Variants in ZNF280D observed in about 807,000 individuals in gnomAD.
ZNF280D encodes the protein suppressor of hairy wing homolog 4.
A neutral mutation model predicts 94.7 loss-of-function variants in ZNF280D; 39 were observed. The observed-to-expected ratio is 0.41, with a 90% CI of 0.32 to 0.54. The LOEUF (loss-of-function observed/expected upper bound fraction) is 0.54, where lower values mean the gene tolerates loss of function less well. Among genes scored for constraint, ZNF280D ranks in the 20% least tolerant of loss-of-function variants. The probability of loss-of-function intolerance (pLI) is 0.22; values close to 1 mark genes in which losing one functional copy is unlikely to be tolerated. For synonymous variants in ZNF280D, 398 were observed against 377.6 expected (o/e 1.05, Z -0.63); for missense variants, 1,090 against 1,149.3 (o/e 0.95, Z 0.75).
chr15:56,643,046 TA>T lies in ZNF280D; in HGVS notation c.2214-50del, dbSNP rs1250183124. 7.3e-6 allele frequency: 9 copies of T among 1,240,828 alleles called. No individual in the cohort carries two copies. The African/African-American group carries it at 1.4e-4, about 19-fold the overall frequency. 76.9% of individuals were successfully genotyped at this position (1,240,828 alleles called of 1,614,324 possible). On this transcript the variant is annotated intron_variant, in intron 19 of 21. Transcript: ENST00000267807. ...ATATTTTATTTTATATGTACGATGG[TA>T]AAATATGAAACAGTTCTTTCTCTGC...
At position 56,709,881 on chromosome 15, in the gene ZNF280D, A is replaced by T. The variant is rs1228314863; in HGVS notation, c.-85-2575T>A. Among the ~76,000 whole-genome samples, 3 of 152,110 alleles carry T rather than the reference A, an allele frequency of 2.0e-5. No individual in the cohort carries two copies. In the East Asian group the frequency reaches 5.8e-4, roughly 29 times the overall value. On this transcript the variant is annotated intron_variant, in intron 1 of 21. Transcript: ENST00000267807. ...CGTTGGGTGGGGGTAGAGGGGAGGG[A>T]TAGCATTAGGAGATATACCTAATGT...
chr15:56,685,799 G>T (rs2055966436), intron 9 of ZNF280D, among the ~76,000 whole-genome samples: 1 of 152,100 alleles, frequency 6.6e-6, no homozygotes, highest in African/African-American at 2.4e-5. Context: ...CAACCACATT[G>T]TGAAAGGCTT....
chr15:56,637,296 C>T (rs1201848348), intron 20 of ZNF280D, among the ~76,000 whole-genome samples: 1 of 152,052 alleles, frequency 6.6e-6, no homozygotes, highest in Admixed American at 6.6e-5. Flanking sequence ...CCTCAGTCTC[C>T]TGAGTAGCTA....
chr15:56,707,865 A>G (rs1231810417), intron 1 of ZNF280D, among the ~76,000 whole-genome samples: 3 of 151,808 alleles, frequency 2.0e-5, no homozygotes, highest in Non-Finnish European at 4.4e-5. Flanking sequence ...TGAGTAAGTC[A>G]CATTCTTAAG....
chr15:56,714,949 G>C (rs565629528), intron 1 of ZNF280D, among the ~76,000 whole-genome samples: 1 of 152,174 alleles, frequency 6.6e-6, no homozygotes, highest in South Asian at 2.1e-4. Flanking sequence ...TTACCTATTA[G>C]GGGGATTATG....
At chr15:56,651,856 G>T (rs1187740064) in intron 19 of ZNF280D, among the ~76,000 whole-genome samples, 1 of 152,076 alleles carries the variant, frequency 6.6e-6, no homozygotes, top group African/African-American at 2.4e-5. Context: ...GGATATGAAG[G>T]ATTGACTGTA....
chr15:56,730,985 T>C (rs2058854404), intron 1 of ZNF280D, among the ~76,000 whole-genome samples: 1 of 152,198 alleles, frequency 6.6e-6, no homozygotes, highest in Non-Finnish European at 1.5e-5. Flanking sequence ...AAGCCTACTT[T>C]ATGTGCCTTT....
At chr15:56,655,732 G>A (rs1314709791) in intron 17 of ZNF280D, among the ~76,000 whole-genome samples, 1 of 152,178 alleles carries the variant, frequency 6.6e-6, no homozygotes. Flanking sequence ...ATTTTTAGCT[G>A]AAAGGTGTTT....
In ZNF280D at chr15:56,704,172, C is replaced by G. The variant is rs759832458; in HGVS notation, c.124G>C (p.Asp42His). 2 of 1,613,852 alleles carry G rather than the reference C, an allele frequency of 1.2e-6. No homozygotes were observed. Among genetic ancestry groups the G allele is most frequent in the Admixed American group, 3.3e-5 (2 of 59,970 alleles). The change falls in exon 4 of 22, where the codon GAT becomes CAT. Residue 42 changes from aspartate to histidine, a missense_variant. Asp to His is a moderately conservative substitution (Grantham distance 81, BLOSUM62 -1). Coordinates refer to ENST00000267807, the MANE Select transcript of ZNF280D (RefSeq NM_017661.4). ...ATCTCGCCAACAAAGATTGGCTCAT[C>G]ATCATCGTCATCCTCAACTTCTTTT... is the stretch of plus-strand genomic sequence containing the variant. ...KVKEVEDDDDDEPIFVGEISS... is the reference protein window; with the variant it reads ...KVKEVEDDDDHEPIFVGEISS...
intron 6 of ZNF280D, among the ~76,000 whole-genome samples, chr15:56,694,172 A>G (rs1450713009): frequency 1.3e-5 from 2 of 152,152 alleles, no homozygotes; most frequent in Non-Finnish European, 2.9e-5. Flanking sequence ...GGGCTCAAGT[A>G]TAAAGCAGTA....
chr15:56,708,763 G>T lies in ZNF280D; in HGVS notation c.-85-1457C>A, dbSNP rs1206851843. 4.6e-5 allele frequency among the ~76,000 whole-genome samples: 7 copies of T among 152,226 alleles called. No individual in the cohort carries two copies. In the East Asian group the frequency reaches 7.7e-4, roughly 17 times the overall value. On this transcript the variant is annotated intron_variant, in intron 1 of 21. Transcript: ENST00000267807. ...ACAAAAACAAGAAATGGGGAAAGCAGTCCCTATTTAATAAATGGTGCTGGG... is the reference window on the plus strand; with the variant it reads ...ACAAAAACAAGAAATGGGGAAAGCATTCCCTATTTAATAAATGGTGCTGGG...
chr15:56,712,594 C>CAAAAAAAA (rs1171267893), intron 1 of ZNF280D, among the ~76,000 whole-genome samples: 39 of 76,768 alleles, frequency 5.1e-4, no homozygotes, highest in South Asian at 1.4e-3. Context: ...ACCCTCATAC[C>CAAAAAAAA]AAAAAAAAAA....
intron 16 of ZNF280D, among the ~76,000 whole-genome samples, chr15:56,663,381 T>C (rs1596397263): frequency 6.6e-6 from 1 of 151,258 alleles, no homozygotes; most frequent in African/African-American, 2.4e-5. Context: ...TTGGGGCAGG[T>C]ATGAGACCAA....
rs530309697 is a variant in ZNF280D, at chr15:56,720,813, T to A, written c.-86+12645A>T. 9.3e-4 allele frequency among the ~76,000 whole-genome samples: 141 copies of A among 152,154 alleles called. 1 individual carries two copies. The highest frequency in any genetic ancestry group is 3.3e-3 in the African/African-American group (139 of 41,506). On this transcript the variant is annotated intron_variant, in intron 1 of 21. Transcript: ENST00000267807. ...AGCAGTAATATTTTGAAAGGAAAAT[T>A]TTTTTCTGAGCAGTAGGTTTCAATA...
rs527774910 is a variant in ZNF280D at position 56,643,093 on chromosome 15, G to A, written c.2214-96C>T. On this transcript the variant is annotated intron_variant, in intron 19 of 21. Coordinates refer to ENST00000267807, the MANE Select transcript of ZNF280D (RefSeq NM_017661.4). Reference sequence around the variant, plus strand: ...TCTGCCAGCCTAAAATAATTAAAATGTAGATCGAAACTAATGTACATTTTA... The same window carrying A: ...TCTGCCAGCCTAAAATAATTAAAATATAGATCGAAACTAATGTACATTTTA... The A allele has an allele frequency of 1.6e-4, 123 of 784,094 alleles. No individual in the cohort carries two copies. The South Asian group carries it at 1.8e-3, about 11-fold the overall frequency. 48.6% of individuals were successfully genotyped at this position (784,094 alleles called of 1,614,324 possible).
intron 1 of ZNF280D, among the ~76,000 whole-genome samples, chr15:56,731,299 T>C (rs1217679352): frequency 6.6e-6 from 1 of 151,808 alleles, no homozygotes; most frequent in African/African-American, 2.4e-5. Context: ...ACCCAGGAGT[T>C]TGACACCAGC....
chr15:56,728,790 T>C (rs1482294838), intron 1 of ZNF280D, among the ~76,000 whole-genome samples: 1 of 152,192 alleles, frequency 6.6e-6, no homozygotes, highest in Non-Finnish European at 1.5e-5. Flanking sequence ...CATTCTGTTT[T>C]TCACTTTCAG....
chr15:56,693,215 C>G lies in ZNF280D; in HGVS notation c.382G>C (p.Gly128Arg). The G allele has an allele frequency of 4.1e-6, 6 of 1,450,770 alleles. No individual in the cohort carries two copies. Among genetic ancestry groups the G allele is most frequent in the Non-Finnish European group, 5.6e-6 (6 of 1,077,166 alleles). 89.9% of individuals were successfully genotyped at this position (1,450,770 alleles called of 1,614,324 possible). Residue 128 changes from glycine (G) to arginine (R), a missense_variant and splice_region_variant, in exon 7 of 22, where the codon GGT becomes CGT. Coordinates refer to ENST00000267807, the MANE Select transcript of ZNF280D (RefSeq NM_017661.4). ...ACTCGTGATGAGTTTGTTATATAAC[C>G]CTGTTAAATAGTTCAAAGGAAAAAT... ...SVIVQPFSKPGYITNSSRVVS... is the reference protein window; with the variant it reads ...SVIVQPFSKPRYITNSSRVVS...
At chr15:56,638,942 C>A (rs1456445027) in intron 20 of ZNF280D, among the ~76,000 whole-genome samples, 6 of 151,590 alleles carry the variant, frequency 4.0e-5, no homozygotes, top group African/African-American at 1.5e-4. Flanking sequence ...GGGTAAGGAT[C>A]ACCACATAAC....
Sources: gnomAD v4.1 joint callset for allele counts (sites outside exome capture counted in the v4.1 genomes callset) on GRCh38, gnomAD v4.1.1 for gene constraint, MANE v1.5 for transcripts, NCBI Gene and HGNC (gene_info 2026-07-23, HGNC 2026-07-21) for gene names.